The following NAALADL2 variants were observed in gnomAD, a reference collection of about 807,000 sequenced individuals.
NAALADL2 encodes inactive N-acetylated-alpha-linked acidic dipeptidase-like protein 2.
Under a neutral mutation model 87.2 loss-of-function variants are expected in NAALADL2, and 76 were observed. That is an observed-to-expected ratio of 0.87 (90% CI 0.72 to 1.05). The LOEUF is 1.05. Among genes scored for constraint, NAALADL2 ranks in the 50% least tolerant of loss-of-function variants. NAALADL2 has a pLI of 0.00. For synonymous variants in NAALADL2, 354 were observed against 331.0 expected (o/e 1.07, Z -0.75); for missense variants, 1,089 against 945.8 (o/e 1.15, Z -1.99).
intron 10 of NAALADL2, among the ~76,000 whole-genome samples, chr3:175,625,208 A>G (rs1726810342): frequency 6.6e-6 from 1 of 152,006 alleles, no homozygotes; most frequent in Non-Finnish European, 1.5e-5. Flanking sequence ...TGACCCTTGG[A>G]TAGTTACAGT....
At chr3:174,709,002 A>G (rs1730373285) in intron 2 of NAALADL2, among the ~76,000 whole-genome samples, 1 of 152,130 alleles carries the variant, frequency 6.6e-6, no homozygotes, top group African/African-American at 2.4e-5. Flanking sequence ...TCTCAACCCA[A>G]CATGATTCAA....
At chr3:174,923,136 G>A (rs950615836) in intron 1 of NAALADL2, among the ~76,000 whole-genome samples, 2 of 152,140 alleles carry the variant, frequency 1.3e-5, no homozygotes, top group African/African-American at 4.8e-5. Context: ...ATGTCTTGTG[G>A]TAATAGAATT....
chr3:174,882,883 G>A (rs989057919), intron 1 of NAALADL2, among the ~76,000 whole-genome samples: 1 of 148,106 alleles, frequency 6.8e-6, no homozygotes, highest in African/African-American at 2.5e-5. Context: ...GTGTATATGT[G>A]TATATATGTA....
Position 175,718,884 on chromosome 3 carries a change from C to T in NAALADL2, c.1897-18422C>T, listed in dbSNP as rs557333640. On this transcript the variant is annotated intron_variant, in intron 11 of 13. Transcript: ENST00000454872. ...CAAACAAACAAAAAACAAAAAACAC[C>T]ACCACCACCAACAACAACAAAAAAC... is the stretch of plus-strand genomic sequence containing the variant. 2.0e-5 allele frequency among the ~76,000 whole-genome samples: 3 copies of T among 151,946 alleles called. No homozygotes were observed. In the East Asian group the frequency reaches 5.8e-4, roughly 29 times the overall value.
rs368801599 is a variant in NAALADL2, at chr3:175,600,683, G to T, written c.1800+24496G>T. Reference sequence around the variant, plus strand: ...CTCCCGAGTAGCTGGGACTACAGGCGCCCGCTACCACGCCCGGCTAATTTT... The same window carrying T: ...CTCCCGAGTAGCTGGGACTACAGGCTCCCGCTACCACGCCCGGCTAATTTT... On this transcript the variant is annotated intron_variant, in intron 10 of 13. Coordinates refer to ENST00000454872, the MANE Select transcript of NAALADL2 (RefSeq NM_207015.3). Among the ~76,000 whole-genome samples the T allele has an allele frequency of 1.1e-3, 169 of 151,270 alleles. 1 individual carries two copies. The highest frequency in any genetic ancestry group is 3.8e-3 in the African/African-American group (158 of 41,288).
intron 3 of NAALADL2, among the ~76,000 whole-genome samples, chr3:174,825,556 C>T (rs1339447719): frequency 1.3e-5 from 2 of 152,146 alleles, no homozygotes; most frequent in Non-Finnish European, 2.9e-5. Flanking sequence ...CCAGAAATAC[C>T]CACACACATA....
chr3:174,642,822 C>T (rs1233446753), intron 2 of NAALADL2, among the ~76,000 whole-genome samples: 2 of 149,238 alleles, frequency 1.3e-5, no homozygotes, highest in East Asian at 2.0e-4. Context: ...CTCACTCTCT[C>T]GCCCAGGCTG....
At chr3:175,019,475 C>T (rs1751287703) in intron 1 of NAALADL2, among the ~76,000 whole-genome samples, 1 of 152,012 alleles carries the variant, frequency 6.6e-6, no homozygotes, top group African/African-American at 2.4e-5. Context: ...TTCAGCTAGA[C>T]ATGGCTTTGG....
At chr3:175,260,284 A>C (rs892328557) in intron 4 of NAALADL2, among the ~76,000 whole-genome samples, 6 of 152,080 alleles carry the variant, frequency 3.9e-5, no homozygotes, top group Non-Finnish European at 8.8e-5. Context: ...TTCTGTGTAG[A>C]ATGCCCCTTG....
At chr3:174,827,148 C>T (rs1722086764) in intron 3 of NAALADL2, among the ~76,000 whole-genome samples, 1 of 151,986 alleles carries the variant, frequency 6.6e-6, no homozygotes, top group South Asian at 2.1e-4. Context: ...TTTTTTCTCA[C>T]CTAATAGAAT....
chr3:175,117,434 C>T (rs1028106202), intron 2 of NAALADL2, among the ~76,000 whole-genome samples: 3 of 152,058 alleles, frequency 2.0e-5, no homozygotes, highest in African/African-American at 7.2e-5. Context: ...CAAACAACCT[C>T]ATCAAAAAGT....
intron 1 of NAALADL2, among the ~76,000 whole-genome samples, chr3:175,038,682 A>G (rs1323046482): frequency 6.6e-6 from 1 of 152,138 alleles, no homozygotes; most frequent in Non-Finnish European, 1.5e-5. Context: ...GGCTCTTTTA[A>G]AATAAAGTCA....
At chr3:175,534,055 T>G (rs1734461452) in intron 9 of NAALADL2, among the ~76,000 whole-genome samples, 2 of 150,656 alleles carry the variant, frequency 1.3e-5, no homozygotes, top group Non-Finnish European at 3.0e-5. Context: ...AATTATTTAT[T>G]TATAATAAAT....
At chr3:174,934,027 T>C (rs1053753046) in intron 1 of NAALADL2, among the ~76,000 whole-genome samples, 3 of 152,292 alleles carry the variant, frequency 2.0e-5, no homozygotes, top group African/African-American at 4.8e-5. Flanking sequence ...AAGGATGAAA[T>C]AGGAATTCAG....
Position 174,678,403 on chromosome 3 carries a change from GC to G in NAALADL2, c.-114-59235del, listed in dbSNP as rs768038914. Among the ~76,000 whole-genome samples, 3 of 152,060 alleles carry G rather than the reference GC, an allele frequency of 2.0e-5. No homozygotes were observed. The East Asian group carries it at 5.8e-4, about 29-fold the overall frequency. The stretch of plus-strand genomic sequence containing the variant: ...ACCAGTTCAAAGGCTGTGTTAAATT[GC>G]CCAGTTATACTTTATGCTTATCTTC... On this transcript the variant is annotated intron_variant, in intron 2 of 3. Transcript: ENST00000434257.
intron 11 of NAALADL2, among the ~76,000 whole-genome samples, chr3:175,692,126 GTTGT>G (rs1560983559): frequency 1.3e-5 from 2 of 151,936 alleles, no homozygotes; most frequent in South Asian, 4.2e-4. Context: ...ATGTTTGTAG[GTTGT>G]TTGTTTTTCC....
intron 10 of NAALADL2, among the ~76,000 whole-genome samples, chr3:175,603,353 G>A (rs1723218692): frequency 6.6e-6 from 1 of 152,024 alleles, no homozygotes; most frequent in African/African-American, 2.4e-5. Context: ...AATCTTAAAT[G>A]TACAGTTGAG....
chr3:175,414,904 T>G (rs1714293619), intron 5 of NAALADL2, among the ~76,000 whole-genome samples: 1 of 152,186 alleles, frequency 6.6e-6, no homozygotes. Flanking sequence ...GATTAAATAT[T>G]GATGAGTTCT....
intron 2 of NAALADL2, among the ~76,000 whole-genome samples, chr3:174,602,606 C>G (rs1411385728): frequency 1.3e-5 from 2 of 151,034 alleles, no homozygotes; most frequent in Non-Finnish European, 3.0e-5. Flanking sequence ...ATTTGGATGC[C>G]CTTTATTTCT....
Sources: gnomAD v4.1 joint callset for allele counts (sites outside exome capture counted in the v4.1 genomes callset) on GRCh38, gnomAD v4.1.1 for gene constraint, MANE v1.5 for transcripts, NCBI Gene and HGNC (gene_info 2026-07-23, HGNC 2026-07-21) for gene names.